The following ARL13B variants were observed in gnomAD, a reference collection of about 807,000 sequenced individuals.
ARL13B encodes the protein ADP-ribosylation factor-like protein 13B.
In ARL13B, 36 loss-of-function variants were observed where a neutral mutation model predicts 56.1. The observed-to-expected ratio is 0.64, with a 90% confidence interval of 0.49 to 0.85. The LOEUF (loss-of-function observed/expected upper bound fraction) is 0.85. Among genes scored for constraint, ARL13B ranks in the 40% least tolerant of loss-of-function variants. ARL13B has a pLI of 0.00. For synonymous variants in ARL13B, 178 were observed against 171.1 expected (o/e 1.04, Z -0.32); for missense variants, 519 against 507.1 (o/e 1.02, Z -0.23).
At chr3:94,015,147 A>G (rs769719871) in intron 3 of ARL13B, 7 of 1,613,940 alleles carry the variant, frequency 4.3e-6, no homozygotes, top group East Asian at 2.2e-5. Flanking sequence ...GCTCTCTTTC[A>G]TAAATAACAG....
intron 3 of ARL13B, among the ~76,000 whole-genome samples, chr3:94,031,154 T>A (rs1214109486): frequency 2.6e-5 from 4 of 152,188 alleles, no homozygotes; most frequent in African/African-American, 9.7e-5. Context: ...GTCACACCTC[T>A]GCACTTAAGC....
intron 2 of ARL13B, among the ~76,000 whole-genome samples, chr3:93,999,415 A>G (rs2076018252): frequency 6.6e-6 from 1 of 152,012 alleles, no homozygotes; most frequent in South Asian, 2.1e-4. Flanking sequence ...TAATTTTTTT[A>G]TTCACAATAG....
chr3:94,019,682 C>T (rs6791811), intron 3 of ARL13B, among the ~76,000 whole-genome samples: 51,541 of 151,572 alleles, frequency 0.34, 10,837 homozygotes, highest in East Asian at 0.55. Flanking sequence ...CCTCCTTTGG[C>T]ATTATCTCTT....
At chr3:94,005,869 T>C (rs2076125470) in intron 3 of ARL13B, among the ~76,000 whole-genome samples, 1 of 152,160 alleles carries the variant, frequency 6.6e-6, no homozygotes. Context: ...TGATATTTAA[T>C]AGTTGTGCAT....
chr3:94,022,086 A>G (rs938116929), intron 3 of ARL13B, among the ~76,000 whole-genome samples: 2 of 151,810 alleles, frequency 1.3e-5, no homozygotes, highest in African/African-American at 4.8e-5. Context: ...TTTCTAGGTA[A>G]TTTGCATGTG....
At chr3:94,015,527 AAGC>A (rs2076314560) in intron 3 of ARL13B, among the ~76,000 whole-genome samples, 1 of 152,170 alleles carries the variant, frequency 6.6e-6, no homozygotes, top group Non-Finnish European at 1.5e-5. Context: ...ATAGCTGAGA[AAGC>A]AGTGATGCAG....
At chr3:93,997,077 C>T (rs557848519) in intron 2 of ARL13B, among the ~76,000 whole-genome samples, 2 of 152,100 alleles carry the variant, frequency 1.3e-5, no homozygotes, top group South Asian at 4.2e-4. Context: ...ATCACCCCCC[C>T]AGATGGGACC....
intron 3 of ARL13B, among the ~76,000 whole-genome samples, chr3:94,023,350 G>GA (rs1179811225): frequency 6.6e-6 from 1 of 151,738 alleles, no homozygotes; most frequent in Non-Finnish European, 1.5e-5. Flanking sequence ...TTCCTTTCAT[G>GA]AAATTCTTGA....
intron 3 of ARL13B, among the ~76,000 whole-genome samples, chr3:94,006,337 GA>G (rs1246400987): frequency 5.3e-5 from 8 of 151,254 alleles, no homozygotes; most frequent in Non-Finnish European, 8.9e-5. Flanking sequence ...TCTTTTTTTT[GA>G]TATGTTTATA....
chr3:93,993,956 G>A (rs1418920039), intron 1 of ARL13B, among the ~76,000 whole-genome samples: 1 of 152,140 alleles, frequency 6.6e-6, no homozygotes, highest in Non-Finnish European at 1.5e-5. Context: ...GCTGCTTATT[G>A]TGATTTACCT....
intron 3 of ARL13B, among the ~76,000 whole-genome samples, chr3:94,030,138 A>AGGG (rs1354473549): frequency 6.6e-6 from 1 of 152,182 alleles, no homozygotes; most frequent in Non-Finnish European, 1.5e-5. Context: ...CTATAAGGGA[A>AGGG]GGGAAGGAAA....
intron 3 of ARL13B, chr3:94,014,328 A>T: frequency 7.2e-7 from 1 of 1,380,948 alleles, no homozygotes; most frequent in Non-Finnish European, 9.7e-7. Flanking sequence ...AATACAAGAC[A>T]CTGAAATATA....
intron 9 of ARL13B, among the ~76,000 whole-genome samples, chr3:94,051,906 T>G (rs2077073119): frequency 1.3e-5 from 2 of 152,060 alleles, no homozygotes; most frequent in Non-Finnish European, 2.9e-5. Flanking sequence ...TAATCGTTAG[T>G]GAAAATTCAT....
chr3:94,015,094 T>C lies in ARL13B; in HGVS notation c.380+11186T>C, dbSNP rs780708305. 1 of 1,613,896 alleles carries C rather than the reference T, an allele frequency of 6.2e-7. No individual in the cohort carries two copies. The highest frequency in any genetic ancestry group is 8.5e-7 in the Non-Finnish European group (1 of 1,179,916). On this transcript the variant is annotated intron_variant, in intron 3 of 9. Coordinates refer to ENST00000394222, the MANE Select transcript of ARL13B (RefSeq NM_001174150.2). ...ATTATCTGCCAAATTGTTAATACTT[T>C]CCTGTAGTTTTTGGATTTCATGTAG... is the stretch of plus-strand genomic sequence containing the variant.
intron 7 of ARL13B, among the ~76,000 whole-genome samples, chr3:94,048,891 A>G (rs564598415): frequency 1.3e-5 from 2 of 152,260 alleles, no homozygotes; most frequent in African/African-American, 4.8e-5. Flanking sequence ...GCTGCCATGC[A>G]TAGCCTTGTA....
Position 94,055,317 on chromosome 3 carries a change from T to C in ARL13B, c.*2054T>C. 2.4e-6 allele frequency: 1 copy of C among 422,476 alleles called. No homozygotes were observed. Among genetic ancestry groups the C allele is most frequent in the Non-Finnish European group, 4.7e-6 (1 of 214,494 alleles). 26.2% of individuals were successfully genotyped at this position (422,476 alleles called of 1,614,324 possible). A position where few individuals can be genotyped will look rare whatever the true frequency, so the allele number is the denominator to read the frequency against. On this transcript the variant is annotated 3_prime_UTR_variant, in exon 10 of 10. Transcript: ENST00000394222. Reference sequence around the variant, plus strand: ...CTTTTCAATTGGTAGATTTAAATGATTTCCTTTGGGTAATAAAATAGGTAA... The same window carrying C: ...CTTTTCAATTGGTAGATTTAAATGACTTCCTTTGGGTAATAAAATAGGTAA...
In ARL13B at chr3:93,980,284, G is replaced by A. The variant is rs1424332724; in HGVS notation, c.-140G>A. On this transcript the variant is annotated 5_prime_UTR_variant, in exon 1 of 10. Coordinates refer to ENST00000394222, the MANE Select transcript of ARL13B (RefSeq NM_001174150.2). ...GCAAGGCTTAGTGCTCGGGCCGGCC[G>A]CCTTCACTTCCCTCCCGGCTTTTCC... 2.7e-6 allele frequency: 3 copies of A among 1,125,528 alleles called. No homozygotes were observed. The highest frequency in any genetic ancestry group is 2.1e-4 in the Middle Eastern group (1 of 4,716). The allele number at this position is 1,125,528 out of a possible 1,614,324, so 69.7% of individuals were successfully genotyped here. A position where few individuals can be genotyped will look rare whatever the true frequency, so the allele number is the denominator to read the frequency against.
chr3:94,040,852 T>C (rs569237681), intron 6 of ARL13B, among the ~76,000 whole-genome samples: 1 of 152,194 alleles, frequency 6.6e-6, no homozygotes, highest in African/African-American at 2.4e-5. Context: ...TAATGGCTAA[T>C]TATTTTATAG....
chr3:94,040,197 A>G (rs934443272), intron 6 of ARL13B, among the ~76,000 whole-genome samples: 4 of 152,098 alleles, frequency 2.6e-5, no homozygotes, highest in Non-Finnish European at 5.9e-5. Flanking sequence ...TGAAAGGGGG[A>G]ATATGACTTC....
Sources: allele counts gnomAD v4.1 joint callset (sites outside exome capture counted in the v4.1 genomes callset), GRCh38; gene constraint gnomAD v4.1.1; transcripts MANE v1.5; gene names NCBI Gene and HGNC (gene_info 2026-07-23, HGNC 2026-07-21).